SYT10: variants seen among roughly 807,000 people sequenced by gnomAD.
SYT10 encodes synaptotagmin 10, also known as synaptotagmin-10.
A neutral mutation model predicts 51.1 loss-of-function variants in SYT10; 31 were observed. The ratio of observed to expected loss-of-function variants is 0.61; its 90% confidence interval spans 0.46 to 0.82. The LOEUF is 0.82. SYT10 is among the 40% of genes least tolerant of loss of function. The pLI is 0.00. For missense variants in SYT10, 603 were observed against 634.0 expected, an observed-to-expected ratio of 0.95 and a Z score of 0.53; for synonymous variants, 233 against 225.9, an observed-to-expected ratio of 1.03 and a Z score of -0.28.
At chr12:33,437,531 T>C (rs1866647667) in intron 1 of SYT10, among the ~76,000 whole-genome samples, 2 of 152,216 alleles carry the variant, frequency 1.3e-5, no homozygotes, top group Non-Finnish European at 1.5e-5. Flanking sequence ...TCCACATATT[T>C]TCCTCATTAC....
intron 3 of SYT10, among the ~76,000 whole-genome samples, chr12:33,393,966 GA>G (rs1420213505): frequency 1.3e-5 from 2 of 152,218 alleles, no homozygotes; most frequent in African/African-American, 4.8e-5. Flanking sequence ...AAGATGCTGG[GA>G]AGAGTGTCTG....
intron 4 of SYT10, among the ~76,000 whole-genome samples, chr12:33,383,528 A>T (rs747515487): frequency 6.6e-6 from 1 of 152,228 alleles, no homozygotes; most frequent in Non-Finnish European, 1.5e-5. Flanking sequence ...GGAAAACAAG[A>T]TAACAGGGTC....
intron 2 of SYT10, among the ~76,000 whole-genome samples, chr12:33,425,389 G>A (rs551336546): frequency 6.6e-6 from 1 of 151,944 alleles, no homozygotes. Context: ...CCTCTTTATA[G>A]GAATCATTTT....
intron 6 of SYT10, among the ~76,000 whole-genome samples, chr12:33,378,116 G>T (rs1412006793): frequency 2.0e-5 from 3 of 152,180 alleles, no homozygotes; most frequent in Non-Finnish European, 1.5e-5. Flanking sequence ...TGTTTGACTA[G>T]TGAATGTAGG....
chr12:33,396,723 C>T (rs1344009899), intron 3 of SYT10, among the ~76,000 whole-genome samples: 4 of 148,974 alleles, frequency 2.7e-5, no homozygotes, highest in Non-Finnish European at 4.4e-5. Flanking sequence ...CTCGCTCTGT[C>T]GCCAGGCTGG....
chr12:33,438,407 C>G (rs555862712), intron 1 of SYT10, among the ~76,000 whole-genome samples: 1 of 152,194 alleles, frequency 6.6e-6, no homozygotes, highest in East Asian at 1.9e-4. Context: ...ACCACGCAGC[C>G]CGCAACTCGG....
chr12:33,402,138 T>A (rs1866312401), intron 3 of SYT10, among the ~76,000 whole-genome samples: 1 of 152,198 alleles, frequency 6.6e-6, no homozygotes, highest in African/African-American at 2.4e-5. Flanking sequence ...TACACGTGGG[T>A]TGCCATATGA....
chr12:33,412,104 T>C lies in SYT10; in HGVS notation c.510-4748A>G, dbSNP rs115147601. Among the ~76,000 whole-genome samples the C allele has an allele frequency of 7.0e-3, 1,064 of 152,262 alleles. 12 individuals are homozygous for C. Among genetic ancestry groups the C allele is most frequent in the African/African-American group, 0.024 (984 of 41,574 alleles). Reference sequence around the variant, plus strand: ...AAGAAGTTAATTCTTTATTTTTTTATAGATTTATTCCATCATTTCACACTC... The same window carrying C: ...AAGAAGTTAATTCTTTATTTTTTTACAGATTTATTCCATCATTTCACACTC... On this transcript the variant is annotated intron_variant, in intron 2 of 6. Coordinates refer to ENST00000228567, the MANE Select transcript of SYT10 (RefSeq NM_198992.4).
intron 2 of SYT10, among the ~76,000 whole-genome samples, chr12:33,417,818 G>A (rs1461708261): frequency 6.6e-6 from 1 of 152,050 alleles, no homozygotes; most frequent in Non-Finnish European, 1.5e-5. Flanking sequence ...ACAAGAGAGT[G>A]GCTCTGATTG....
intron 2 of SYT10, among the ~76,000 whole-genome samples, chr12:33,409,444 T>C (rs576409702): frequency 6.6e-6 from 1 of 151,930 alleles, no homozygotes; most frequent in African/African-American, 2.4e-5. Context: ...CTCAAACTCC[T>C]GACCTTAAGT....
At chr12:33,412,676 C>A (rs1258501334) in intron 2 of SYT10, among the ~76,000 whole-genome samples, 1 of 152,094 alleles carries the variant, frequency 6.6e-6, no homozygotes, top group Non-Finnish European at 1.5e-5. Flanking sequence ...CACCAAAACC[C>A]GATCTGTACG....
Position 33,428,309 on chromosome 12 carries a change from A to T in SYT10, c.152-1814T>A, listed in dbSNP as rs569172846. 8.5e-5 allele frequency among the ~76,000 whole-genome samples: 13 copies of T among 152,370 alleles called. 1 individual carries two copies. The South Asian group carries it at 2.7e-3, about 32-fold the overall frequency. On this transcript the variant is annotated intron_variant, in intron 1 of 6. Transcript: ENST00000228567. Reference sequence around the variant, plus strand: ...TCCTTAAATAGTGGGATCTGAATCCATAGAAGATAAATGTTCCTCAACAGA... The same window carrying T: ...TCCTTAAATAGTGGGATCTGAATCCTTAGAAGATAAATGTTCCTCAACAGA...
chr12:33,414,872 G>A (rs1193875224), intron 2 of SYT10, among the ~76,000 whole-genome samples: 1 of 152,164 alleles, frequency 6.6e-6, no homozygotes, highest in Non-Finnish European at 1.5e-5. Context: ...TTAGTTGATG[G>A]CACTGGAATA....
intron 2 of SYT10, among the ~76,000 whole-genome samples, chr12:33,418,583 TCA>T (rs1343891337): frequency 6.6e-6 from 1 of 152,136 alleles, no homozygotes; most frequent in Non-Finnish European, 1.5e-5. Flanking sequence ...CTCACTCCAT[TCA>T]CAGTCTCATC....
At chr12:33,417,762 C>T (rs1335258538) in intron 2 of SYT10, among the ~76,000 whole-genome samples, 3 of 151,868 alleles carry the variant, frequency 2.0e-5, no homozygotes, top group Non-Finnish European at 2.9e-5. Flanking sequence ...GTGGTTTTGC[C>T]CTGCAAATAC....
intron 3 of SYT10, among the ~76,000 whole-genome samples, chr12:33,403,067 G>A (rs1388201918): frequency 1.1e-4 from 17 of 151,880 alleles, no homozygotes; most frequent in Admixed American, 9.8e-4. Context: ...GTAAATTTTG[G>A]TCTAAATTAC....
At chr12:33,411,967 T>C (rs1390189037) in intron 2 of SYT10, among the ~76,000 whole-genome samples, 1 of 152,122 alleles carries the variant, frequency 6.6e-6, no homozygotes, top group Non-Finnish European at 1.5e-5. Context: ...AGTTTGCATA[T>C]TCAATATTCT....
intron 6 of SYT10, among the ~76,000 whole-genome samples, chr12:33,378,609 G>A (rs1866085692): frequency 6.6e-6 from 1 of 152,092 alleles, no homozygotes; most frequent in Non-Finnish European, 1.5e-5. Flanking sequence ...CTCCTTTTTA[G>A]ATTTTTAGAA....
chr12:33,390,448 T>G (rs1866194309), intron 3 of SYT10, among the ~76,000 whole-genome samples: 1 of 152,172 alleles, frequency 6.6e-6, no homozygotes, highest in African/African-American at 2.4e-5. Flanking sequence ...ATATACAATA[T>G]GAAGTCCCAA....
Sources: gnomAD v4.1 joint callset for allele counts (sites outside exome capture counted in the v4.1 genomes callset) on GRCh38, gnomAD v4.1.1 for gene constraint, MANE v1.5 for transcripts, NCBI Gene and HGNC (gene_info 2026-07-23, HGNC 2026-07-21) for gene names.